LAPTM4B: variants seen among roughly 807,000 people sequenced by gnomAD.
LAPTM4B encodes the protein lysosomal protein transmembrane 4 beta.
Under a neutral mutation model 28.5 loss-of-function variants are expected in LAPTM4B, and 26 were observed. The observed-to-expected ratio is 0.91, with a 90% CI of 0.67 to 1.27. The LOEUF (loss-of-function observed/expected upper bound fraction) is 1.27, where lower values mean the gene tolerates loss of function less well. LAPTM4B is among the 50% of genes most tolerant of loss of function. LAPTM4B has a pLI of 0.00. For missense variants in LAPTM4B, 288 were observed against 285.8 expected (o/e 1.01, Z -0.06); for synonymous variants, 109 against 106.4 (o/e 1.02, Z -0.15).
At chr8:97,837,360 T>C (rs1209591808) in intron 6 of LAPTM4B, among the ~76,000 whole-genome samples, 1 of 152,094 alleles carries the variant, frequency 6.6e-6, no homozygotes, top group Non-Finnish European at 1.5e-5. Context: ...GCCTGGCTAA[T>C]TTTTGTATGT....
chr8:97,844,045 G>C (rs1320933015), intron 6 of LAPTM4B, among the ~76,000 whole-genome samples: 2 of 151,646 alleles, frequency 1.3e-5, no homozygotes, highest in South Asian at 2.1e-4. Flanking sequence ...CCTTATTTCT[G>C]GGTGATTTTA....
intron 1 of LAPTM4B, among the ~76,000 whole-genome samples, chr8:97,787,970 A>G (rs1816433420): frequency 6.6e-6 from 1 of 152,160 alleles, no homozygotes; most frequent in South Asian, 2.1e-4. Flanking sequence ...AGTAGCTGAG[A>G]TTATAGGCAC....
At chr8:97,784,553 C>T (rs1816373058) in intron 1 of LAPTM4B, among the ~76,000 whole-genome samples, 1 of 152,180 alleles carries the variant, frequency 6.6e-6, no homozygotes, top group Non-Finnish European at 1.5e-5. Flanking sequence ...CATTCTCCTG[C>T]CTCAGCCTCT....
intron 1 of LAPTM4B, among the ~76,000 whole-genome samples, chr8:97,793,119 C>T (rs1586322847): frequency 6.6e-6 from 1 of 151,932 alleles, no homozygotes; most frequent in Non-Finnish European, 1.5e-5. Context: ...TATTATTTTC[C>T]CCACTAGATA....
chr8:97,799,292 T>C (rs924101188), intron 1 of LAPTM4B, among the ~76,000 whole-genome samples: 11 of 152,166 alleles, frequency 7.2e-5, no homozygotes, highest in African/African-American at 2.4e-4. Flanking sequence ...TTTAAGATCT[T>C]AATTGGCTTT....
At chr8:97,799,608 A>G (rs1046980981) in intron 1 of LAPTM4B, among the ~76,000 whole-genome samples, 5 of 152,194 alleles carry the variant, frequency 3.3e-5, no homozygotes, top group South Asian at 2.1e-4. Context: ...ATGGCCGCCT[A>G]TAATTTTTAT....
intron 6 of LAPTM4B, among the ~76,000 whole-genome samples, chr8:97,850,954 T>A (rs999026624): frequency 2.6e-5 from 4 of 151,408 alleles, no homozygotes; most frequent in African/African-American, 4.9e-5. Flanking sequence ...AAGGCTACGC[T>A]GATAAAATGT....
Position 97,851,963 on chromosome 8 carries a change from A to G in LAPTM4B, c.*489A>G. 2 of 154,530 alleles carry G rather than the reference A, an allele frequency of 1.3e-5. No individual in the cohort carries two copies. Among genetic ancestry groups the G allele is most frequent in the Admixed American group, 6.4e-5 (1 of 15,552 alleles). 9.6% of individuals were successfully genotyped at this position (154,530 alleles called of 1,614,324 possible). On this transcript the variant is annotated 3_prime_UTR_variant, in exon 7 of 7. Coordinates refer to ENST00000521545, the MANE Select transcript of LAPTM4B (RefSeq NM_018407.6). Reference sequence around the variant, plus strand: ...AAATAGAAGTCCTTATGTATGTGTTACAAGAATTTCCCCCACAACATCCTT... The same window carrying G: ...AAATAGAAGTCCTTATGTATGTGTTGCAAGAATTTCCCCCACAACATCCTT...
chr8:97,839,282 C>T (rs1439761471), intron 6 of LAPTM4B, among the ~76,000 whole-genome samples: 1 of 152,154 alleles, frequency 6.6e-6, no homozygotes, highest in Non-Finnish European at 1.5e-5. Flanking sequence ...GCATCCTCCA[C>T]CTCCCAGTTC....
At chr8:97,778,871 T>C (rs1183997980) in intron 1 of LAPTM4B, among the ~76,000 whole-genome samples, 3 of 152,150 alleles carry the variant, frequency 2.0e-5, no homozygotes, top group Admixed American at 6.5e-5. Flanking sequence ...CAGAGTGTGG[T>C]TTCTCTATAA....
At chr8:97,849,613 G>A (rs188154783) in intron 6 of LAPTM4B, among the ~76,000 whole-genome samples, 17 of 152,340 alleles carry the variant, frequency 1.1e-4, no homozygotes, top group African/African-American at 3.1e-4. Context: ...GCCGGCTGGC[G>A]GGTGCGACTC....
intron 2 of LAPTM4B, among the ~76,000 whole-genome samples, chr8:97,812,144 C>CA (rs1221553260): frequency 4.0e-5 from 6 of 149,358 alleles, no homozygotes; most frequent in Non-Finnish European, 7.4e-5. Context: ...CCCATCCTTT[C>CA]AAAAAAAGTA....
intron 5 of LAPTM4B, among the ~76,000 whole-genome samples, chr8:97,819,774 G>A (rs1048443336): frequency 2.7e-4 from 33 of 122,034 alleles, no homozygotes; most frequent in Admixed American, 2.2e-3. Context: ...TCGCTCTGTC[G>A]CCCAGGTTGG....
intron 4 of LAPTM4B, among the ~76,000 whole-genome samples, chr8:97,818,531 G>T (rs1442158266): frequency 6.6e-6 from 1 of 152,162 alleles, no homozygotes; most frequent in Non-Finnish European, 1.5e-5. Context: ...TGACCTGGTT[G>T]TTAAGCATTG....
chr8:97,779,381 AG>A (rs1816273829), intron 1 of LAPTM4B, among the ~76,000 whole-genome samples: 1 of 152,124 alleles, frequency 6.6e-6, no homozygotes, highest in African/African-American at 2.4e-5. Flanking sequence ...GCTACTTGGG[AG>A]ACTGAGGCAG....
intron 6 of LAPTM4B, among the ~76,000 whole-genome samples, chr8:97,834,144 G>GGAAAAAAAAAAAAAAAAAAAAAAAAAAAA (rs1554593011): frequency 1.3e-5 from 1 of 75,344 alleles, no homozygotes; most frequent in Non-Finnish European, 3.0e-5. Flanking sequence ...TGTCTCTACA[G>GGAAAAAAAAAAAAAAAAAAAAAAAAAAAA]AAAAAAAAAA....
chr8:97,834,734 T>C (rs1872016), intron 6 of LAPTM4B, among the ~76,000 whole-genome samples: 71,538 of 152,008 alleles, frequency 0.47, 17,109 homozygotes, highest in East Asian at 0.58. Context: ...TAGTAGTCTT[T>C]GATTGCTTTC....
chr8:97,822,222 T>C (rs1005119429), intron 5 of LAPTM4B, among the ~76,000 whole-genome samples: 42 of 151,204 alleles, frequency 2.8e-4, no homozygotes, highest in African/African-American at 9.9e-4. Context: ...CACATCTCAC[T>C]CATTGTAGTT....
chr8:97,816,315 T>TA, intron 4 of LAPTM4B, 135 bp downstream of exon 4: 13 of 846,784 alleles, frequency 1.5e-5, no homozygotes, highest in Non-Finnish European at 2.3e-5. Context: ...ATAGGAAATT[T>TA]CTTTTTTCTT....
Sources: allele counts gnomAD v4.1 joint callset (sites outside exome capture counted in the v4.1 genomes callset), GRCh38; gene constraint gnomAD v4.1.1; transcripts MANE v1.5; gene names NCBI Gene and HGNC (gene_info 2026-07-23, HGNC 2026-07-21).